NRIP1: variants seen among roughly 807,000 people sequenced by gnomAD.
NRIP1 encodes nuclear receptor interacting protein 1.
Under a neutral mutation model 75.0 loss-of-function variants are expected in NRIP1, and 28 were observed. The ratio of observed to expected loss-of-function variants is 0.37; its 90% CI spans 0.28 to 0.51. The LOEUF (loss-of-function observed/expected upper bound fraction) is 0.51, where lower values mean the gene tolerates loss of function less well. NRIP1 is among the 20% of genes least tolerant of loss of function. NRIP1 has a pLI of 0.92. For missense variants in NRIP1, 1,435 were observed against 1,343.7 expected (o/e 1.07, Z -1.06); for synonymous variants, 526 against 487.6 (o/e 1.08, Z -1.04).
chr21:14,994,892 T>A (rs1471252335), intron 3 of NRIP1, among the ~76,000 whole-genome samples: 2 of 152,214 alleles, frequency 1.3e-5, no homozygotes, highest in African/African-American at 4.8e-5. Context: ...GTTCAAGTAT[T>A]CTAGAGCAAA....
rs530493074 is a variant in NRIP1, at chr21:14,975,601, G to A, written c.-334-7075C>T. On this transcript the variant is annotated intron_variant, in intron 3 of 3. Coordinates refer to ENST00000318948, the MANE Select transcript of NRIP1 (RefSeq NM_003489.4). ...TACTGTACACCGCATTCTAGCCTGCGTGACAGAATAAGACACTATTTCTTT... is the reference window on the plus strand; with the variant it reads ...TACTGTACACCGCATTCTAGCCTGCATGACAGAATAAGACACTATTTCTTT... Among the ~76,000 whole-genome samples, 10 of 138,042 alleles carry A rather than the reference G, an allele frequency of 7.2e-5. No homozygotes were observed. In the South Asian group the frequency reaches 1.5e-3, roughly 20 times the overall value. 90.6% of individuals were successfully genotyped at this position (138,042 alleles called of 152,430 possible).
At chr21:15,019,000 G>T (rs2088303100) in intron 2 of NRIP1, among the ~76,000 whole-genome samples, 1 of 151,864 alleles carries the variant, frequency 6.6e-6, no homozygotes, top group South Asian at 2.1e-4. Context: ...TGTGTAGTTT[G>T]TGAGTTTTGT....
intron 1 of NRIP1, among the ~76,000 whole-genome samples, chr21:15,049,303 G>C (rs1331262543): frequency 1.3e-5 from 2 of 152,034 alleles, no homozygotes; most frequent in Non-Finnish European, 2.9e-5. Context: ...GAGAAGCATA[G>C]TTTACATGTC....
rs1431630727 is a variant in NRIP1 at position 15,041,628 on chromosome 21, CT to C, written c.-458+1866del. 2.6e-5 allele frequency among the ~76,000 whole-genome samples: 4 copies of C among 152,158 alleles called. No homozygotes were observed. In the East Asian group the frequency reaches 7.7e-4, roughly 29 times the overall value. On this transcript the variant is annotated intron_variant, in intron 2 of 3. Transcript: ENST00000318948. ...TAAACTTTCAATTTCTTTGCAGTTT[CT>C]TTTTAATAAGAATAACTATCAACTC...
At chr21:15,034,349 T>G (rs2088782507) in intron 2 of NRIP1, among the ~76,000 whole-genome samples, 1 of 152,186 alleles carries the variant, frequency 6.6e-6, no homozygotes, top group Non-Finnish European at 1.5e-5. Flanking sequence ...GTGAGTCACT[T>G]CCAAACTCAT....
intron 3 of NRIP1, among the ~76,000 whole-genome samples, chr21:14,998,528 A>G (rs981341659): frequency 1.3e-5 from 2 of 152,204 alleles, no homozygotes; most frequent in Admixed American, 6.5e-5. Context: ...TCAACAGACT[A>G]TATAACGTGT....
intron 3 of NRIP1, among the ~76,000 whole-genome samples, chr21:14,976,964 C>T (rs2087089146): frequency 6.6e-6 from 1 of 152,108 alleles, no homozygotes; most frequent in African/African-American, 2.4e-5. Context: ...ATTTGTTCTG[C>T]AATATCAAGT....
At chr21:15,065,290 C>G (rs1234645710), upstream of NRIP1, among the ~76,000 whole-genome samples, 2 of 151,954 alleles carry the variant, frequency 1.3e-5, no homozygotes, top group East Asian at 3.9e-4. Context: ...CCGGAGGCAG[C>G]GAGAGGACCG....
intron 1 of NRIP1, among the ~76,000 whole-genome samples, chr21:15,048,951 A>G (rs947773478): frequency 6.6e-6 from 1 of 151,886 alleles, no homozygotes; most frequent in Non-Finnish European, 1.5e-5. Context: ...CATTTAAAAT[A>G]TATCATACAA....
At chr21:14,977,131 C>T (rs540303599) in intron 3 of NRIP1, among the ~76,000 whole-genome samples, 158 of 152,194 alleles carry the variant, frequency 1.0e-3, no homozygotes, top group African/African-American at 3.5e-3. Flanking sequence ...ATATTATTAT[C>T]TATATTCCAC....
chr21:15,001,693 G>A (rs2147118506), intron 3 of NRIP1, among the ~76,000 whole-genome samples: 1 of 151,442 alleles, frequency 6.6e-6, no homozygotes, highest in East Asian at 1.9e-4. Flanking sequence ...TATAGTTCAA[G>A]GTGGTGTAGT....
At chr21:15,038,611 A>G (rs181452675) in intron 2 of NRIP1, among the ~76,000 whole-genome samples, 9 of 152,188 alleles carry the variant, frequency 5.9e-5, no homozygotes, top group African/African-American at 2.2e-4. Flanking sequence ...TGAAAACTTC[A>G]TATTTACATA....
At chr21:15,044,007 C>T (rs1231546070) in intron 1 of NRIP1, among the ~76,000 whole-genome samples, 3 of 151,998 alleles carry the variant, frequency 2.0e-5, no homozygotes, top group South Asian at 2.1e-4. Flanking sequence ...TTAGTAGAGA[C>T]GAGTTTTCGC....
chr21:14,983,224 A>G (rs907452067), intron 3 of NRIP1, among the ~76,000 whole-genome samples: 1 of 152,088 alleles, frequency 6.6e-6, no homozygotes, highest in Admixed American at 6.5e-5. Context: ...AAAAAAAAAA[A>G]CAATTATTGT....
At chr21:15,007,821 A>C (rs1396322589) in intron 3 of NRIP1, among the ~76,000 whole-genome samples, 3 of 152,236 alleles carry the variant, frequency 2.0e-5, no homozygotes, top group Admixed American at 6.5e-5. Context: ...CAGAATTAAA[A>C]AATAAAAACT....
At chr21:15,060,409 A>T (rs1038386409) in intron 1 of NRIP1, among the ~76,000 whole-genome samples, 4 of 152,112 alleles carry the variant, frequency 2.6e-5, no homozygotes, top group African/African-American at 9.7e-5. Flanking sequence ...AATCATAGGT[A>T]ATGTGCTTAA....
At chr21:15,064,171 G>T (rs936948114) in intron 1 of NRIP1, among the ~76,000 whole-genome samples, 6 of 152,224 alleles carry the variant, frequency 3.9e-5, no homozygotes, top group African/African-American at 1.4e-4. Context: ...TGATGGCTGA[G>T]GCCTCGGGTC....
At chr21:15,022,320 T>C (rs1000092252) in intron 2 of NRIP1, among the ~76,000 whole-genome samples, 1 of 152,072 alleles carries the variant, frequency 6.6e-6, no homozygotes, top group African/African-American at 2.4e-5. Context: ...CACTTAAAAG[T>C]GGGAGCTGAA....
intron 3 of NRIP1, among the ~76,000 whole-genome samples, chr21:14,969,249 G>A (rs557493737): frequency 5.0e-4 from 76 of 152,264 alleles, no homozygotes; most frequent in African/African-American, 1.8e-3. Context: ...TTAGATGCTT[G>A]TTCAGGGCTA....
Sources: gnomAD v4.1 joint callset for allele counts (sites outside exome capture counted in the v4.1 genomes callset) on GRCh38, gnomAD v4.1.1 for gene constraint, MANE v1.5 for transcripts, NCBI Gene and HGNC (gene_info 2026-07-23, HGNC 2026-07-21) for gene names.